The following TEX22 variants were observed in gnomAD, a reference collection of about 807,000 sequenced individuals.
The protein encoded by TEX22 is testis-expressed protein 22.
In TEX22, 16 loss-of-function variants were observed where a neutral mutation model predicts 11.3. The observed-to-expected ratio is 1.42, with a 90% CI of 0.96 to 2.15. The LOEUF is 2.15. Ranked by LOEUF, TEX22 falls within the 30% of genes most tolerant of loss-of-function variation. TEX22 has a pLI of 0.00. For synonymous variants in TEX22, 97 were observed against 92.3 expected (o/e 1.05, Z -0.29); for missense variants, 220 against 208.6 (o/e 1.05, Z -0.34).
chr14:105,411,520 C>CCCCCCCGGGG, intron 3 of TEX22, 24 bp downstream of exon 3: 4 of 1,119,860 alleles, frequency 3.6e-6, no homozygotes, highest in Non-Finnish European at 2.2e-6. Context: ...GGGTCCTCCC[C>CCCCCCCGGGG]GCCCCGTCCC....
chr14:105,411,558 T>A, intron 3 of TEX22, 62 bp downstream of exon 3: 1 of 734,850 alleles, frequency 1.4e-6, no homozygotes, highest in Non-Finnish European at 1.5e-6. Flanking sequence ...CCGCCTCGCC[T>A]CCCTCGACTC....
Position 105,398,554 on chromosome 14 carries a change from T to C in TEX22, c.-121T>C, listed in dbSNP as rs1190953180. On this transcript the variant is annotated 5_prime_UTR_variant, in exon 1 of 4. Coordinates refer to ENST00000451127, the MANE Select transcript of TEX22 (RefSeq NM_001195082.2). ...GCGGGGCTTGCCGTAGCGGACGTTC[T>C]GGAGCGAGGCGCCGGCCCCTTGGGC... 1.6e-4 allele frequency: 24 copies of C among 152,156 alleles called. No individual in the cohort carries two copies. Among genetic ancestry groups the C allele is most frequent in the African/African-American group, 5.8e-4 (24 of 41,412 alleles). 9.4% of individuals were successfully genotyped at this position (152,156 alleles called of 1,614,324 possible). A position where few individuals can be genotyped will look rare whatever the true frequency, so the allele number is the denominator to read the frequency against.
intron 2 of TEX22, among the ~76,000 whole-genome samples, chr14:105,401,107 A>G (rs587645518): frequency 6.6e-6 from 1 of 152,350 alleles, no homozygotes; most frequent in African/African-American, 2.4e-5. Flanking sequence ...AGCCGTAAGG[A>G]TGGGTCCTGC....
chr14:105,411,232 G>C, intron 2 of TEX22, 136 bp from the exon 3 acceptor site: 1 of 1,038,020 alleles, frequency 9.6e-7, no homozygotes. Context: ...GCTGGCGCTG[G>C]AGCAGCGGGA....
intron 2 of TEX22, among the ~76,000 whole-genome samples, chr14:105,399,713 C>CACCGGCCTCT (rs111679691): frequency 0.082 from 12,444 of 152,188 alleles, 1,680 homozygotes; most frequent in African/African-American, 0.28. Flanking sequence ...AACCGTGGGC[C>CACCGGCCTCT]GCTGGGCTCT....
intron 2 of TEX22, among the ~76,000 whole-genome samples, chr14:105,404,028 T>C (rs1193050633): frequency 6.6e-6 from 1 of 152,218 alleles, no homozygotes; most frequent in African/African-American, 2.4e-5. Context: ...CTTAAAACAG[T>C]AAGTATTTTT....
Position 105,413,323 on chromosome 14 carries a change from A to G in TEX22, c.*1490A>G, listed in dbSNP as rs1595225090. 6.6e-6 allele frequency: 1 copy of G among 152,452 alleles called. No homozygotes were observed. The allele number at this position is 152,452 out of a possible 1,614,324, so 9.4% of individuals were successfully genotyped here. A position where few individuals can be genotyped will look rare whatever the true frequency, so the allele number is the denominator to read the frequency against. ...ATGATGATGTGGGGAATGGGATCCTATGGGCCCAGCTGCATGCCAGGCAGG... is the reference window on the plus strand; with the variant it reads ...ATGATGATGTGGGGAATGGGATCCTGTGGGCCCAGCTGCATGCCAGGCAGG... On this transcript the variant is annotated 3_prime_UTR_variant, in exon 4 of 4. Transcript: ENST00000451127. The surrounding 1 kb of genome is among the most constrained non-coding windows in gnomAD (Gnocchi z 4.2).
intron 2 of TEX22, 55 bp downstream of exon 2, chr14:105,399,545 G>T (rs2081612670): frequency 1.4e-6 from 2 of 1,470,870 alleles, no homozygotes; most frequent in African/African-American, 2.8e-5. Flanking sequence ...GCCCGCCTGA[G>T]GCCGCTGTCT....
intron 2 of TEX22, among the ~76,000 whole-genome samples, chr14:105,402,537 A>C (rs370822776): frequency 1.3e-5 from 2 of 150,774 alleles, no homozygotes; most frequent in Non-Finnish European, 2.9e-5. Flanking sequence ...GGCAGATCAC[A>C]AGGTCTGGAG....
chr14:105,405,747 A>T (rs1334955850), intron 2 of TEX22, among the ~76,000 whole-genome samples: 4 of 152,262 alleles, frequency 2.6e-5, no homozygotes, highest in Non-Finnish European at 4.4e-5. Flanking sequence ...CTTTGTTCAG[A>T]GTTCAAAAGC....
chr14:105,408,519 G>C (rs1389904680), intron 2 of TEX22, among the ~76,000 whole-genome samples: 1 of 152,166 alleles, frequency 6.6e-6, no homozygotes, highest in African/African-American at 2.4e-5. Flanking sequence ...TGCCTCCTGG[G>C]TTCAAGCAAT....
At position 105,411,758 on chromosome 14, in the gene TEX22, C is replaced by A. The variant is rs2081694781; in HGVS notation, c.378C>A (p.Phe126Leu). The A allele has an allele frequency of 1.3e-6, 2 of 1,515,792 alleles. No individual in the cohort carries two copies. The highest frequency in any genetic ancestry group is 2.8e-5 in the African/African-American group (2 of 70,914). 93.9% of individuals were successfully genotyped at this position (1,515,792 alleles called of 1,614,324 possible). ...GGTCCACCGAGTCCACCAACGCCTT[C>A]CAGGCCTTCCTGGCGCGCAGTGCGC... is the stretch of plus-strand genomic sequence containing the variant. ...PLRSTESTNA[F>L]QAFLARSAPF... is the part of the protein sequence containing the mutation. The change falls in exon 4 of 4, where the codon TTC becomes TTA. Residue 126 changes from phenylalanine to leucine, a missense_variant. Physicochemically the swap from Phe to Leu is conservative, Grantham distance 22. Coordinates refer to ENST00000451127, the MANE Select transcript of TEX22 (RefSeq NM_001195082.2).
intron 2 of TEX22, among the ~76,000 whole-genome samples, chr14:105,403,266 T>C (rs1555418606): frequency 1.3e-5 from 2 of 152,230 alleles, no homozygotes; most frequent in Non-Finnish European, 2.9e-5. Flanking sequence ...CATTAAAGCA[T>C]CACTATAATT....
intron 3 of TEX22, 24 bp downstream of exon 3, chr14:105,411,520 C>CCCCCCCCCGGG: frequency 8.9e-7 from 1 of 1,119,860 alleles, no homozygotes; most frequent in Non-Finnish European, 1.1e-6. Context: ...GGGTCCTCCC[C>CCCCCCCCCGGG]GCCCCGTCCC....
Position 105,399,251 on chromosome 14 carries a change from C to T in TEX22, c.-39-51C>T, listed in dbSNP as rs2081608812. Reference sequence around the variant, plus strand: ...CCAGGGACTCAGGTATTGGTGGGCACGTGGGTGGCCTTGTGGGCCCCGCCC... The same window carrying T: ...CCAGGGACTCAGGTATTGGTGGGCATGTGGGTGGCCTTGTGGGCCCCGCCC... On this transcript the variant is annotated intron_variant, in intron 1 of 3. Coordinates refer to ENST00000451127, the MANE Select transcript of TEX22 (RefSeq NM_001195082.2). 7 of 1,132,636 alleles carry T rather than the reference C, an allele frequency of 6.2e-6. No homozygotes were observed. The South Asian group carries it at 1.1e-4, about 17-fold the overall frequency. 70.2% of individuals were successfully genotyped at this position (1,132,636 alleles called of 1,614,324 possible). A position where few individuals can be genotyped will look rare whatever the true frequency, so the allele number is the denominator to read the frequency against.
intron 2 of TEX22, among the ~76,000 whole-genome samples, chr14:105,410,924 C>G (rs941363359): frequency 9.2e-5 from 14 of 152,186 alleles, no homozygotes; most frequent in Admixed American, 6.5e-5. Flanking sequence ...GGTCTTTTGT[C>G]TATGGATTCA....
chr14:105,402,946 G>A (rs1324885447), intron 2 of TEX22, among the ~76,000 whole-genome samples: 1 of 152,156 alleles, frequency 6.6e-6, no homozygotes, highest in Non-Finnish European at 1.5e-5. Context: ...TATGATCACA[G>A]TGTTACTGGA....
At chr14:105,400,590 G>A (rs1555418243) in intron 2 of TEX22, among the ~76,000 whole-genome samples, 1 of 152,122 alleles carries the variant, frequency 6.6e-6, no homozygotes, top group Non-Finnish European at 1.5e-5. Context: ...CCCATATCCA[G>A]CAAGGACACA....
chr14:105,407,092 C>T lies in TEX22; in HGVS notation c.151-4276C>T, dbSNP rs1340308012. On this transcript the variant is annotated intron_variant, in intron 2 of 3. Coordinates refer to ENST00000451127, the MANE Select transcript of TEX22 (RefSeq NM_001195082.2). ...TAATTTTTTTTTTTTTTTTTTGAGA[C>T]AGTCTCACTCTGTCACCCAGGCTGG... Among the ~76,000 whole-genome samples, 4 of 133,780 alleles carry T rather than the reference C, an allele frequency of 3.0e-5. No individual in the cohort carries two copies. In the East Asian group the frequency reaches 8.4e-4, roughly 28 times the overall value. 87.8% of individuals were successfully genotyped at this position (133,780 alleles called of 152,430 possible). A position where few individuals can be genotyped will look rare whatever the true frequency, so the allele number is the denominator to read the frequency against.
Sources: allele counts gnomAD v4.1 joint callset (sites outside exome capture counted in the v4.1 genomes callset), GRCh38; gene constraint gnomAD v4.1.1; non-coding constraint Gnocchi (gnomAD v3.1); transcripts MANE v1.5; gene names NCBI Gene and HGNC (gene_info 2026-07-23, HGNC 2026-07-21).